Variants in RFX2 observed in about 807,000 individuals in gnomAD.
RFX2 encodes regulatory factor X2.
Under a neutral mutation model 87.8 loss-of-function variants are expected in RFX2, and 20 were observed. That is an observed-to-expected ratio of 0.23 (90% CI 0.16 to 0.33). The LOEUF is 0.33. RFX2 is among the 10% of genes least tolerant of loss of function. RFX2 has a pLI of 1.00. For missense variants in RFX2, 767 were observed against 1,012.3 expected (o/e 0.76, Z 3.29); for synonymous variants, 397 against 431.3 (o/e 0.92, Z 0.98).
chr19:6,043,081 G>T (rs773217761), intron 3 of RFX2, among the ~76,000 whole-genome samples: 3 of 152,172 alleles, frequency 2.0e-5, no homozygotes, highest in Non-Finnish European at 2.9e-5. Context: ...AAGTTCCAGG[G>T]GTTAACATCT....
At chr19:6,076,570 T>A (rs904057636) in intron 1 of RFX2, among the ~76,000 whole-genome samples, 28 of 152,166 alleles carry the variant, frequency 1.8e-4, no homozygotes, top group African/African-American at 6.8e-4. Flanking sequence ...AAAATACTTC[T>A]ATCTGTGTTG....
At chr19:6,072,935 C>T in intron 1 of RFX2, 1 of 813,560 alleles carries the variant, frequency 1.2e-6, no homozygotes, top group Non-Finnish European at 2.1e-6. Flanking sequence ...TGGAGGAAAC[C>T]CAGAGGTATT....
Position 6,042,082 on chromosome 19 carries a change from G to A in RFX2, c.222C>T (p.Tyr74=), listed in dbSNP as rs139444981. 12 of 1,613,736 alleles carry A rather than the reference G, an allele frequency of 7.4e-6. No homozygotes were observed. In the African/African-American group the frequency reaches 9.4e-5, roughly 13 times the overall value. ...TGTAGACGGCGTCTCCCCCTTCCAC[G>A]TACTGCACCTGGGCAGGATACACGT... ...VQHVYPAQVQ[Y]VEGGDAVYTN... The change falls in exon 4 of 18, where the codon TAC becomes TAT. Residue 74 remains tyrosine, a synonymous_variant. Transcript: ENST00000303657.
rs868553310 is a variant in RFX2, at chr19:6,061,589, C to T, written c.-8-14085G>A. ...TTGGTTCCCTTCCTACTCCCGGCCC[C>T]GCCTCTGGATCTTACTGGGGAGTCG... On this transcript the variant is annotated intron_variant, in intron 1 of 17. Coordinates refer to ENST00000303657, the MANE Select transcript of RFX2 (RefSeq NM_000635.4). This position sits in a 1 kb window ranked among gnomAD's most constrained non-coding sequence, Gnocchi z 5.2. 5.9e-5 allele frequency among the ~76,000 whole-genome samples: 9 copies of T among 152,342 alleles called. No homozygotes were observed. The highest frequency in any genetic ancestry group is 3.4e-3 in the Middle Eastern group (1 of 294).
chr19:6,043,211 A>G (rs971738068), intron 3 of RFX2, among the ~76,000 whole-genome samples: 3 of 152,198 alleles, frequency 2.0e-5, no homozygotes, highest in Non-Finnish European at 4.4e-5. Context: ...AAGCTTCTGG[A>G]ATCTCCTCTC....
chr19:6,073,648 A>G, intron 1 of RFX2: 1 of 266,580 alleles, frequency 3.8e-6, no homozygotes, highest in South Asian at 4.4e-5. Context: ...CAAAACAATT[A>G]AAGATGGAAA....
chr19:6,098,171 T>A (rs1370986079), intron 1 of RFX2, among the ~76,000 whole-genome samples: 1 of 152,180 alleles, frequency 6.6e-6, no homozygotes, highest in Admixed American at 6.5e-5. Context: ...ACTAAATGTA[T>A]AATTTATTCC....
At position 6,088,772 on chromosome 19, in the gene RFX2, G is replaced by A. The variant is rs527931088; in HGVS notation, c.-9+21621C>T. On this transcript the variant is annotated intron_variant, in intron 1 of 17. Coordinates refer to ENST00000303657, the MANE Select transcript of RFX2 (RefSeq NM_000635.4). ...AGTCACATATAGCCAAGTAATGTGCGTTAGACCAGGGGGTGGCAAGCTTTT... is the reference window on the plus strand; with the variant it reads ...AGTCACATATAGCCAAGTAATGTGCATTAGACCAGGGGGTGGCAAGCTTTT... 1.6e-4 allele frequency among the ~76,000 whole-genome samples: 25 copies of A among 152,262 alleles called. No individual in the cohort carries two copies. In the South Asian group the frequency reaches 4.1e-3, roughly 25 times the overall value.
chr19:6,081,721 G>A (rs895453671), intron 1 of RFX2, among the ~76,000 whole-genome samples: 1 of 152,254 alleles, frequency 6.6e-6, no homozygotes, highest in African/African-American at 2.4e-5. Context: ...CAGAGGTCGA[G>A]GAGGGTGGAT....
chr19:6,008,077 GA>G, intron 10 of RFX2, 28 bp downstream of exon 10: 1 of 1,499,004 alleles, frequency 6.7e-7, no homozygotes, highest in African/African-American at 1.4e-5. Context: ...GGACACGCAG[GA>G]GCTGCCTGCC....
intron 1 of RFX2, among the ~76,000 whole-genome samples, chr19:6,100,884 G>GAATT (rs143544211): frequency 0.22 from 32,966 of 150,200 alleles, 6,621 homozygotes; most frequent in African/African-American, 0.55. Flanking sequence ...TTAATTAATT[G>GAATT]AATTAATTAA....
At chr19:6,087,773 G>A (rs2087874142) in intron 1 of RFX2, among the ~76,000 whole-genome samples, 1 of 152,178 alleles carries the variant, frequency 6.6e-6, no homozygotes, top group Non-Finnish European at 1.5e-5. Flanking sequence ...CATGGAAATA[G>A]CTTTTTTGAC....
In RFX2 at chr19:6,004,843, G is replaced by C. The variant is rs538624370; in HGVS notation, c.1403-545C>G. Among the ~76,000 whole-genome samples the C allele has an allele frequency of 1.4e-4, 22 of 152,186 alleles. No individual in the cohort carries two copies. The highest frequency in any genetic ancestry group is 5.9e-4 in the Admixed American group (9 of 15,288). On this transcript the variant is annotated intron_variant, in intron 12 of 17. Transcript: ENST00000303657. The surrounding 1 kb of genome is among the most constrained non-coding windows in gnomAD (Gnocchi z 4.8). ...AAAAACAAAAACAGAAAAAGGCCAGGTGTGGTGGCTGACGCCTGTAGTCCC... is the reference window on the plus strand; with the variant it reads ...AAAAACAAAAACAGAAAAAGGCCAGCTGTGGTGGCTGACGCCTGTAGTCCC...
At chr19:6,097,681 C>G (rs1475310416) in intron 1 of RFX2, among the ~76,000 whole-genome samples, 2 of 152,104 alleles carry the variant, frequency 1.3e-5, no homozygotes, top group Non-Finnish European at 2.9e-5. Flanking sequence ...CTCGTGGGCT[C>G]AAGTAATCCT....
intron 1 of RFX2, among the ~76,000 whole-genome samples, chr19:6,102,436 C>T (rs149506712): frequency 6.6e-6 from 1 of 152,362 alleles, no homozygotes; most frequent in East Asian, 1.9e-4. Flanking sequence ...TGTCAGGAGT[C>T]TGAAAAGCAG....
At chr19:6,084,466 A>G (rs1398794091) in intron 1 of RFX2, among the ~76,000 whole-genome samples, 1 of 152,062 alleles carries the variant, frequency 6.6e-6, no homozygotes, top group Non-Finnish European at 1.5e-5. Context: ...ATCCATCTCC[A>G]GAACATTCTC....
At chr19:6,036,397 G>A (rs962164994) in intron 5 of RFX2, among the ~76,000 whole-genome samples, 10 of 152,134 alleles carry the variant, frequency 6.6e-5, no homozygotes, top group African/African-American at 2.4e-4. Context: ...CAAAGCCAGG[G>A]CCTGGGGGTC....
At chr19:6,031,823 T>G (rs930144027) in intron 5 of RFX2, among the ~76,000 whole-genome samples, 10 of 151,864 alleles carry the variant, frequency 6.6e-5, no homozygotes, top group African/African-American at 2.2e-4. Flanking sequence ...GCCTCTGCAT[T>G]CTTTTTTAAA....
chr19:6,004,205 G>A lies in RFX2; in HGVS notation c.1496C>T (p.Thr499Ile). 1 of 1,612,094 alleles carries A rather than the reference G, an allele frequency of 6.2e-7. No homozygotes were observed. Among genetic ancestry groups the A allele is most frequent in the Non-Finnish European group, 8.5e-7 (1 of 1,178,922 alleles). ...CAGGCCCCACCCCGGACGCACCTTGGTCTGGATGACCTGTTGTGGGAAGTC... is the reference window on the plus strand; with the variant it reads ...CAGGCCCCACCCCGGACGCACCTTGATCTGGATGACCTGTTGTGGGAAGTC... ...MSDFPQQVIQ[T>I]KVGVVSAFAQ... Residue 499 changes from threonine to isoleucine, a missense_variant, in exon 13 of 18, where the codon ACC (threonine) becomes ATC (isoleucine). This residue lies in a region of RFX2 where 621 missense variants were observed against 873.0 expected (regional missense o/e 0.71). Coordinates refer to ENST00000303657, the MANE Select transcript of RFX2 (RefSeq NM_000635.4). The surrounding 1 kb of genome is among the most constrained non-coding windows in gnomAD (Gnocchi z 4.8).
Sources: allele counts gnomAD v4.1 joint callset (sites outside exome capture counted in the v4.1 genomes callset), GRCh38; gene constraint gnomAD v4.1.1; regional missense constraint gnomAD v4.1.1; non-coding constraint Gnocchi (gnomAD v3.1); transcripts MANE v1.5; gene names NCBI Gene and HGNC (gene_info 2026-07-23, HGNC 2026-07-21).